The following WWOX variants were observed in gnomAD, a reference collection of about 807,000 sequenced individuals.
WWOX encodes WW domain containing oxidoreductase, also known as WW domain-containing oxidoreductase.
In WWOX, 69 loss-of-function variants were observed where a neutral mutation model predicts 46.2. That is an observed-to-expected ratio of 1.49 (90% confidence interval 1.23 to 1.82). The LOEUF (loss-of-function observed/expected upper bound fraction) is 1.82, where lower values mean the gene tolerates loss of function less well. Among genes scored for constraint, WWOX ranks in the 40% most tolerant of loss-of-function variants. The probability of loss-of-function intolerance (pLI) is 0.00; values close to 1 mark genes in which losing one functional copy is unlikely to be tolerated. For synonymous variants in WWOX, 359 were observed against 202.6 expected (o/e 1.77, Z -6.56); for missense variants, 919 against 542.6 (o/e 1.69, Z -6.89).
intron 8 of WWOX, among the ~76,000 whole-genome samples, chr16:78,708,439 G>C (rs1238531047): frequency 1.3e-5 from 2 of 152,156 alleles, no homozygotes; most frequent in Non-Finnish European, 2.9e-5. Context: ...CTGTGTCACA[G>C]GGTCTTGGTA....
At chr16:78,765,040 A>G (rs1207900464) in intron 8 of WWOX, among the ~76,000 whole-genome samples, 2 of 152,330 alleles carry the variant, frequency 1.3e-5, no homozygotes, top group South Asian at 2.1e-4. Flanking sequence ...TCCCTGCCCA[A>G]CAGGACAGTG....
At chr16:78,456,390 A>C (rs1234426849) in intron 8 of WWOX, among the ~76,000 whole-genome samples, 1 of 151,904 alleles carries the variant, frequency 6.6e-6, no homozygotes, top group African/African-American at 2.4e-5. Flanking sequence ...TGTTAAAAAA[A>C]ATTTAATTTT....
At chr16:78,175,909 G>A (rs1381640886) in intron 5 of WWOX, among the ~76,000 whole-genome samples, 2 of 152,152 alleles carry the variant, frequency 1.3e-5, no homozygotes, top group African/African-American at 4.8e-5. Flanking sequence ...TACTTACCCA[G>A]GAAGCTCCAC....
Position 79,084,808 on chromosome 16 carries a change from A to C in WWOX, c.1057-126800A>C, listed in dbSNP as rs528172156. The stretch of plus-strand genomic sequence containing the variant: ...ATACAAAGAAGAAAGGAGTCTGTGG[A>C]AGTGACATAAAGTAGGACATGTATT... On this transcript the variant is annotated intron_variant, in intron 8 of 8. Transcript: ENST00000566780. Among the ~76,000 whole-genome samples, 4 of 152,344 alleles carry C rather than the reference A, an allele frequency of 2.6e-5. No homozygotes were observed. The South Asian group carries it at 8.3e-4, about 32-fold the overall frequency.
At chr16:78,561,317 C>A (rs887555077) in intron 8 of WWOX, among the ~76,000 whole-genome samples, 1 of 152,110 alleles carries the variant, frequency 6.6e-6, no homozygotes, top group South Asian at 2.1e-4. Flanking sequence ...CTCAGAAACT[C>A]TCTCATGCAT....
intron 8 of WWOX, among the ~76,000 whole-genome samples, chr16:78,654,975 A>T (rs183195788): frequency 1.3e-5 from 2 of 152,254 alleles, no homozygotes. Flanking sequence ...CACATTTAAA[A>T]TGAGCACCAC....
intron 8 of WWOX, among the ~76,000 whole-genome samples, chr16:78,883,191 G>T (rs1282582923): frequency 2.6e-5 from 4 of 152,266 alleles, no homozygotes; most frequent in South Asian, 4.2e-4. Flanking sequence ...AGTTGTGATT[G>T]TGGTTGTTGT....
At chr16:78,525,142 A>G (rs2043433054) in intron 8 of WWOX, 1 of 146,238 alleles carries the variant, frequency 6.8e-6, no homozygotes, top group Non-Finnish European at 1.5e-5. Context: ...CTGGGATTAT[A>G]GGCATGAGCC....
At chr16:78,631,244 C>T (rs879493047) in intron 8 of WWOX, among the ~76,000 whole-genome samples, 3 of 152,082 alleles carry the variant, frequency 2.0e-5, no homozygotes, top group Admixed American at 1.3e-4. Context: ...GCAGGTCAGT[C>T]GTGACATCTC....
At chr16:79,210,801 TC>T (rs1479190681) in intron 8 of WWOX, among the ~76,000 whole-genome samples, 1 of 152,146 alleles carries the variant, frequency 6.6e-6, no homozygotes. Flanking sequence ...TGATGCCTCA[TC>T]ACTGCACACG....
At chr16:78,331,780 G>T (rs73576450) in intron 5 of WWOX, among the ~76,000 whole-genome samples, 2 of 152,166 alleles carry the variant, frequency 1.3e-5, no homozygotes, top group Non-Finnish European at 2.9e-5. Context: ...CGAAGTGCCA[G>T]TTGTGTGCCT....
chr16:78,170,547 C>G (rs1424998150), intron 5 of WWOX, among the ~76,000 whole-genome samples: 2 of 152,188 alleles, frequency 1.3e-5, no homozygotes, highest in African/African-American at 4.8e-5. Flanking sequence ...GTTTATCAGC[C>G]TGATTTCAGT....
At chr16:78,218,932 A>T (rs2036806239) in intron 5 of WWOX, among the ~76,000 whole-genome samples, 1 of 152,258 alleles carries the variant, frequency 6.6e-6, no homozygotes, top group African/African-American at 2.4e-5. Flanking sequence ...TTATCGTTGC[A>T]ATTAGATGCT....
At chr16:79,131,450 C>G (rs112864612) in intron 8 of WWOX, among the ~76,000 whole-genome samples, 2,226 of 152,126 alleles carry the variant, frequency 0.015, 51 homozygotes, top group African/African-American at 0.05. Flanking sequence ...GAAATTAGAT[C>G]TATCACATAC....
chr16:79,155,876 G>A (rs1015085335), intron 8 of WWOX, among the ~76,000 whole-genome samples: 4 of 151,044 alleles, frequency 2.6e-5, no homozygotes, highest in African/African-American at 9.9e-5. Context: ...GAGAAAGGGA[G>A]GGAGGAGGAA....
chr16:78,666,959 G>A (rs932782741), intron 8 of WWOX, among the ~76,000 whole-genome samples: 1 of 152,220 alleles, frequency 6.6e-6, no homozygotes, highest in South Asian at 2.1e-4. Context: ...TCACAAAAGG[G>A]GGTTAAAAGG....
intron 8 of WWOX, among the ~76,000 whole-genome samples, chr16:78,472,969 A>T (rs1024485312): frequency 7.2e-5 from 11 of 152,304 alleles, no homozygotes; most frequent in African/African-American, 2.4e-4. Context: ...GCCAAATCTG[A>T]TCTGCAGCCT....
chr16:78,102,517 C>T (rs7192129), intron 1 of WWOX, among the ~76,000 whole-genome samples: 95,355 of 152,100 alleles, frequency 0.63, 30,659 homozygotes, highest in South Asian at 0.75. Context: ...CTCCAGTAGC[C>T]TTTGCAGGGA....
chr16:79,013,084 G>T (rs1015578139), intron 8 of WWOX, among the ~76,000 whole-genome samples: 1 of 152,176 alleles, frequency 6.6e-6, no homozygotes, highest in African/African-American at 2.4e-5. Context: ...AAAAGGAAAT[G>T]CTACCAGTGA....
Sources: allele counts gnomAD v4.1 joint callset (sites outside exome capture counted in the v4.1 genomes callset), GRCh38; gene constraint gnomAD v4.1.1; transcripts MANE v1.5; gene names NCBI Gene and HGNC (gene_info 2026-07-23, HGNC 2026-07-21).